Variants in ARHGEF28 observed in about 807,000 individuals in gnomAD.
The protein encoded by ARHGEF28 is 190 kDa guanine nucleotide exchange factor.
Under a neutral mutation model 206.6 loss-of-function variants are expected in ARHGEF28, and 152 were observed. The ratio of observed to expected loss-of-function variants is 0.74; its 90% CI spans 0.64 to 0.84. The LOEUF (loss-of-function observed/expected upper bound fraction) is 0.84. Ranked by LOEUF, ARHGEF28 falls within the 40% of genes least tolerant of loss-of-function variation. The pLI is 0.00. For missense variants in ARHGEF28, 2,028 were observed against 2,073.2 expected (o/e 0.98, Z 0.42); for synonymous variants, 763 against 776.4 (o/e 0.98, Z 0.29).
intron 2 of ARHGEF28, among the ~76,000 whole-genome samples, chr5:73,702,780 A>C (rs538035026): frequency 6.6e-6 from 1 of 152,306 alleles, no homozygotes; most frequent in South Asian, 2.1e-4. Context: ...GAGATATTTG[A>C]AATGATTATG....
Position 73,716,261 on chromosome 5 carries a change from A to T in ARHGEF28, c.33+31377A>T, listed in dbSNP as rs78947534. Among the ~76,000 whole-genome samples, 1,016 of 152,330 alleles carry T rather than the reference A, an allele frequency of 6.7e-3. 10 individuals are homozygous for T. The highest frequency in any genetic ancestry group is 0.023 in the African/African-American group (950 of 41,574). On this transcript the variant is annotated intron_variant, in intron 2 of 35. Coordinates refer to ENST00000513042, the MANE Select transcript of ARHGEF28 (RefSeq NM_001177693.2). ...GTTTTGATAGCAAATCTTGAGAATC[A>T]GATCAAAATTCTGTGCAGTGTCCAT... is the stretch of plus-strand genomic sequence containing the variant.
chr5:73,694,077 C>CA (rs1252167996), intron 2 of ARHGEF28, among the ~76,000 whole-genome samples: 2 of 152,236 alleles, frequency 1.3e-5, no homozygotes, highest in Admixed American at 1.3e-4. Flanking sequence ...CAGACTTTAG[C>CA]AAAACCTTTG....
At chr5:73,879,356 T>G (rs534566086) in intron 22 of ARHGEF28, among the ~76,000 whole-genome samples, 29 of 152,324 alleles carry the variant, frequency 1.9e-4, no homozygotes, top group African/African-American at 7.0e-4. Context: ...TCAACTTCTT[T>G]GCCTTTGGTT....
chr5:73,849,235 C>T, intron 13 of ARHGEF28, 148 bp downstream of exon 13: 1 of 608,444 alleles, frequency 1.6e-6, no homozygotes, highest in East Asian at 3.1e-5. Flanking sequence ...TGACAAAATT[C>T]TTTTCTTATT....
At chr5:73,806,928 A>G (rs1356717654) in intron 9 of ARHGEF28, among the ~76,000 whole-genome samples, 2 of 147,862 alleles carry the variant, frequency 1.4e-5, no homozygotes, top group African/African-American at 4.9e-5. Flanking sequence ...TCTATATACA[A>G]TATATAAATC....
intron 7 of ARHGEF28, among the ~76,000 whole-genome samples, chr5:73,786,085 G>GA (rs1157568521): frequency 6.9e-6 from 1 of 145,528 alleles, no homozygotes; most frequent in Non-Finnish European, 1.5e-5. Context: ...AAGGCAAAGA[G>GA]AAAAAACCTT....
chr5:73,664,748 A>G (rs1247895060), intron 1 of ARHGEF28, among the ~76,000 whole-genome samples: 1 of 152,184 alleles, frequency 6.6e-6, no homozygotes, highest in Non-Finnish European at 1.5e-5. Context: ...TGATTAACTC[A>G]TTGATTCCCA....
chr5:73,763,704 TG>T (rs1752735729), intron 4 of ARHGEF28, among the ~76,000 whole-genome samples: 1 of 152,050 alleles, frequency 6.6e-6, no homozygotes, highest in Admixed American at 6.6e-5. Context: ...GTGAAATGAA[TG>T]GTGGACTTGA....
chr5:73,807,422 T>A (rs188759467), intron 9 of ARHGEF28, among the ~76,000 whole-genome samples: 8,130 of 152,218 alleles, frequency 0.053, 287 homozygotes, highest in African/African-American at 0.096. Context: ...TCTTAAGATA[T>A]TCATCTAGGT....
At chr5:73,695,452 CCCAGGCCTCGTCTTCCATTT>C (rs1445703769) in intron 2 of ARHGEF28, among the ~76,000 whole-genome samples, 1 of 152,150 alleles carries the variant, frequency 6.6e-6, no homozygotes, top group African/African-American at 2.4e-5. Context: ...TTGACCTCTG[CCCAGGCCTCGTCTTCCATTT>C]CCAGCTGGCC....
intron 1 of ARHGEF28, among the ~76,000 whole-genome samples, chr5:73,675,940 T>C (rs921935912): frequency 6.6e-6 from 1 of 151,978 alleles, no homozygotes; most frequent in Non-Finnish European, 1.5e-5. Context: ...TAGGAATGGA[T>C]AGAACGTGAA....
chr5:73,659,297 G>A (rs905799853), intron 1 of ARHGEF28, among the ~76,000 whole-genome samples: 2 of 152,194 alleles, frequency 1.3e-5, no homozygotes, highest in African/African-American at 2.4e-5. Flanking sequence ...TTGGGAGGCC[G>A]AGGCAGACAG....
intron 2 of ARHGEF28, among the ~76,000 whole-genome samples, chr5:73,734,207 G>A (rs972592368): frequency 1.3e-5 from 2 of 152,096 alleles, no homozygotes; most frequent in Non-Finnish European, 2.9e-5. Flanking sequence ...TAAAATGAAG[G>A]CCTGTAGTGT....
chr5:73,881,370 A>G (rs995598865), intron 22 of ARHGEF28, among the ~76,000 whole-genome samples: 7 of 152,236 alleles, frequency 4.6e-5, no homozygotes, highest in African/African-American at 1.7e-4. Context: ...CTAAAACTGT[A>G]TATCAGTTTG....
chr5:73,755,757 T>A (rs1448790671), intron 4 of ARHGEF28, among the ~76,000 whole-genome samples: 1 of 152,214 alleles, frequency 6.6e-6, no homozygotes. Flanking sequence ...GGAGAACGCT[T>A]GACAACTCAT....
At chr5:73,641,693 C>T (rs534211074) in intron 1 of ARHGEF28, among the ~76,000 whole-genome samples, 2 of 152,272 alleles carry the variant, frequency 1.3e-5, no homozygotes, top group East Asian at 3.9e-4. Context: ...AACATATTTG[C>T]GCAGTTGTAT....
At chr5:73,743,794 A>G (rs1377128539) in intron 2 of ARHGEF28, among the ~76,000 whole-genome samples, 1 of 152,130 alleles carries the variant, frequency 6.6e-6, no homozygotes, top group Non-Finnish European at 1.5e-5. Context: ...ATTAGGGTAC[A>G]TTTCCCCTCA....
At chr5:73,669,196 C>T (rs564038743) in intron 1 of ARHGEF28, among the ~76,000 whole-genome samples, 1 of 152,126 alleles carries the variant, frequency 6.6e-6, no homozygotes, top group African/African-American at 2.4e-5. Context: ...ATAATCCAAA[C>T]AACATGTCAC....
intron 9 of ARHGEF28, among the ~76,000 whole-genome samples, chr5:73,829,528 T>A (rs943266540): frequency 2.0e-5 from 3 of 152,104 alleles, no homozygotes; most frequent in Non-Finnish European, 2.9e-5. Context: ...TACAGGCGTG[T>A]GCCACCATGC....
Sources: gnomAD v4.1 joint callset for allele counts (sites outside exome capture counted in the v4.1 genomes callset) on GRCh38, gnomAD v4.1.1 for gene constraint, MANE v1.5 for transcripts, NCBI Gene and HGNC (gene_info 2026-07-23, HGNC 2026-07-21) for gene names.